KAZN: variants seen among roughly 807,000 people sequenced by gnomAD.
The protein encoded by KAZN is kazrin, periplakin interacting protein.
A neutral mutation model predicts 87.4 loss-of-function variants in KAZN; 40 were observed. The ratio of observed to expected loss-of-function variants is 0.46; its 90% confidence interval spans 0.36 to 0.60. The LOEUF (loss-of-function observed/expected upper bound fraction) is 0.60. Among genes scored for constraint, KAZN ranks in the 20% least tolerant of loss-of-function variants. The pLI, the probability that KAZN is intolerant of heterozygous loss-of-function variation, is 0.00. For missense variants in KAZN, 898 were observed against 1,073.9 expected, an observed-to-expected ratio of 0.84 and a Z score of 2.29; for synonymous variants, 466 against 458.3, an observed-to-expected ratio of 1.02 and a Z score of -0.22.
At position 14,913,331 on chromosome 1, in the gene KAZN, G is replaced by A. The variant is rs573938534; in HGVS notation, c.227-47353G>A. Among the ~76,000 whole-genome samples the A allele has an allele frequency of 2.6e-5, 4 of 152,294 alleles. 1 individual carries two copies. The highest frequency in any genetic ancestry group is 7.2e-5 in the African/African-American group (3 of 41,564). On this transcript the variant is annotated intron_variant, in intron 1 of 14. Coordinates refer to ENST00000376030, the MANE Select transcript of KAZN (RefSeq NM_201628.3). The stretch of plus-strand genomic sequence containing the variant: ...TCTTTAAAAACAAAAAGAAGGCAGC[G>A]CCTTTCGCATTTATCCAAACACATT...
At chr1:14,766,414 A>G (rs925126634) in intron 1 of KAZN, among the ~76,000 whole-genome samples, 2 of 152,036 alleles carry the variant, frequency 1.3e-5, no homozygotes, top group African/African-American at 4.8e-5. Flanking sequence ...CAGAGCCACC[A>G]GTGTTTGCAA....
intron 2 of KAZN, among the ~76,000 whole-genome samples, chr1:14,414,595 A>C (rs575883931): frequency 6.6e-6 from 1 of 152,112 alleles, no homozygotes; most frequent in African/African-American, 2.4e-5. Context: ...AATGTAAAAC[A>C]ATCTTGCATG....
intron 13 of KAZN, 90 bp from the exon 14 acceptor site, chr1:15,112,329 ATGTGTGTG>A (rs58658629): frequency 0.056 from 34,997 of 627,164 alleles, 53 homozygotes; most frequent in East Asian, 0.11. Context: ...ATTGTCACCA[ATGTGTGTG>A]TGTGTGTGTG....
chr1:14,159,276 C>T (rs1198304263), intron 1 of KAZN, among the ~76,000 whole-genome samples: 1 of 152,176 alleles, frequency 6.6e-6, no homozygotes, highest in Non-Finnish European at 1.5e-5. Flanking sequence ...AGAAGTCTAT[C>T]TGGTATTCTA....
intron 2 of KAZN, among the ~76,000 whole-genome samples, chr1:14,494,284 G>A (rs1193289609): frequency 6.6e-6 from 1 of 152,160 alleles, no homozygotes; most frequent in Non-Finnish European, 1.5e-5. Flanking sequence ...AATAAGATGT[G>A]GGCAGGGTTA....
At chr1:14,750,913 A>G (rs1036650554) in intron 1 of KAZN, among the ~76,000 whole-genome samples, 2 of 152,224 alleles carry the variant, frequency 1.3e-5, no homozygotes, top group Non-Finnish European at 2.9e-5. Flanking sequence ...GATCCAGTGT[A>G]ACCCCTGATG....
At chr1:14,580,518 A>T (rs1235881669) in intron 2 of KAZN, among the ~76,000 whole-genome samples, 3 of 143,794 alleles carry the variant, frequency 2.1e-5, no homozygotes, top group Non-Finnish European at 4.6e-5. Context: ...AAATAAATAA[A>T]GTATATTAAT....
chr1:13,944,790 A>G (rs896491427), intron 1 of KAZN, among the ~76,000 whole-genome samples: 2 of 151,204 alleles, frequency 1.3e-5, no homozygotes, highest in Non-Finnish European at 2.9e-5. Flanking sequence ...TTAATCAAAA[A>G]TAAGACAAGA....
At chr1:14,579,569 GAGCC>G (rs1675401353) in intron 2 of KAZN, among the ~76,000 whole-genome samples, 1 of 151,190 alleles carries the variant, frequency 6.6e-6, no homozygotes, top group African/African-American at 2.4e-5. Flanking sequence ...AGCTTGCGGT[GAGCC>G]GAGATCGCAC....
intron 1 of KAZN, among the ~76,000 whole-genome samples, chr1:14,067,223 G>A (rs933363703): frequency 2.0e-5 from 3 of 152,272 alleles, no homozygotes; most frequent in East Asian, 3.9e-4. Context: ...CACAGTGCCT[G>A]TCCCGTGATA....
rs906482222 is a variant in KAZN, at chr1:15,013,753, C to CA, written c.419-20983dup. ...TGGGCGAAAGAGCAAGACTCCATCTCAAAAAAAAAAAAAGAGAGAGATGGG... is the reference window on the plus strand; with the variant it reads ...TGGGCGAAAGAGCAAGACTCCATCTCAAAAAAAAAAAAAAGAGAGAGATGGG... On this transcript the variant is annotated intron_variant, in intron 2 of 14. Coordinates refer to ENST00000376030, the MANE Select transcript of KAZN (RefSeq NM_201628.3). 4.9e-3 allele frequency among the ~76,000 whole-genome samples: 658 copies of CA among 133,666 alleles called. 3 individuals are homozygous for CA. The highest frequency in any genetic ancestry group is 0.011 in the Middle Eastern group (3 of 264). 87.7% of individuals were successfully genotyped at this position (133,666 alleles called of 152,430 possible). A position where few individuals can be genotyped will look rare whatever the true frequency, so the allele number is the denominator to read the frequency against.
chr1:14,411,596 C>G (rs1360706848), intron 2 of KAZN, among the ~76,000 whole-genome samples: 1 of 152,134 alleles, frequency 6.6e-6, no homozygotes, highest in Non-Finnish European at 1.5e-5. Flanking sequence ...CACCGCGCTC[C>G]CCTGGCAAGA....
chr1:14,532,124 C>A (rs1295899967), intron 2 of KAZN, among the ~76,000 whole-genome samples: 3 of 152,140 alleles, frequency 2.0e-5, no homozygotes, highest in Non-Finnish European at 4.4e-5. Flanking sequence ...CTGTTGTGGG[C>A]ATGACAGCCT....
At chr1:14,075,940 G>A (rs1643439902) in intron 1 of KAZN, among the ~76,000 whole-genome samples, 1 of 152,146 alleles carries the variant, frequency 6.6e-6, no homozygotes, top group South Asian at 2.1e-4. Context: ...GAGGGCTCTT[G>A]CAGATGTAAA....
chr1:14,055,368 C>T (rs756509688), intron 1 of KAZN, among the ~76,000 whole-genome samples: 3 of 152,166 alleles, frequency 2.0e-5, no homozygotes, highest in Non-Finnish European at 2.9e-5. Flanking sequence ...TTAGAATAGA[C>T]CCAGAGTCTG....
chr1:14,353,991 G>A (rs1209581503), intron 2 of KAZN, among the ~76,000 whole-genome samples: 5 of 152,082 alleles, frequency 3.3e-5, no homozygotes, highest in African/African-American at 1.2e-4. Flanking sequence ...ATAAAACAAG[G>A]TTAGAGGACT....
At chr1:14,801,571 C>G (rs796719719) in intron 1 of KAZN, among the ~76,000 whole-genome samples, 8 of 152,292 alleles carry the variant, frequency 5.3e-5, no homozygotes, top group African/African-American at 1.7e-4. Flanking sequence ...GTTTACCATG[C>G]CCTGGGCTTC....
rs68167208 is a variant in KAZN, at chr1:14,111,740, C to CTT, written c.92-68679_92-68678dup. Among the ~76,000 whole-genome samples the CTT allele has an allele frequency of 4.6e-3, 375 of 80,774 alleles. 56 individuals are homozygous for CTT. The highest frequency in any genetic ancestry group is 0.019 in the African/African-American group (361 of 18,736). 53.0% of individuals were successfully genotyped at this position (80,774 alleles called of 152,430 possible). ...CCCAACCCTTTGCCTAGATTCTTTT[C>CTT]TTTTTTTTTTTTTTTTTGAGGTGGA... On this transcript the variant is annotated intron_variant, in intron 1 of 16. Transcript: ENST00000636203.
At chr1:14,012,787 C>T (rs990416774) in intron 1 of KAZN, among the ~76,000 whole-genome samples, 5 of 152,194 alleles carry the variant, frequency 3.3e-5, no homozygotes, top group Admixed American at 3.3e-4. Context: ...GGAGATTGCA[C>T]CACTTCATTC....
Sources: gnomAD v4.1 joint callset for allele counts (sites outside exome capture counted in the v4.1 genomes callset) on GRCh38, gnomAD v4.1.1 for gene constraint, MANE v1.5 for transcripts, NCBI Gene and HGNC (gene_info 2026-07-23, HGNC 2026-07-21) for gene names.